PIGS: variants seen among roughly 807,000 people sequenced by gnomAD.
PIGS encodes GPI-anchor transamidase component PIGS.
Under a neutral mutation model 58.2 loss-of-function variants are expected in PIGS, and 37 were observed. The observed-to-expected ratio is 0.64, with a 90% CI of 0.49 to 0.84. The LOEUF (loss-of-function observed/expected upper bound fraction) is 0.84, where lower values mean the gene tolerates loss of function less well. Among genes scored for constraint, PIGS ranks in the 40% least tolerant of loss-of-function variants. The pLI, the probability that PIGS is intolerant of heterozygous loss-of-function variation, is 0.00. For missense variants in PIGS, 629 were observed against 710.8 expected (o/e 0.88, Z 1.31); for synonymous variants, 269 against 289.2 (o/e 0.93, Z 0.71).
intron 10 of PIGS, chr17:28,555,567 C>T (rs1047084557): frequency 3.0e-5 from 5 of 169,040 alleles, no homozygotes; most frequent in African/African-American, 1.2e-4. Flanking sequence ...CACAGAGCCT[C>T]AGGCAGCCAC....
chr17:28,555,978 A>C (rs755970956), intron 10 of PIGS, 188 bp downstream of exon 10: 154 of 584,660 alleles, frequency 2.6e-4, no homozygotes, highest in Non-Finnish European at 2.5e-4. Flanking sequence ...CAAAAAAAAA[A>C]ATAAATGATT....
At position 28,563,873 on chromosome 17, in the gene PIGS, G is replaced by C. The variant is rs768413881; in HGVS notation, c.321C>G (p.Ala107=). 1.9e-6 allele frequency: 3 copies of C among 1,614,132 alleles called. No individual in the cohort carries two copies. The South Asian group carries it at 3.3e-5, about 18-fold the overall frequency. ...CCTCATGGTCCAAAGCCCTCCGATA[G>C]GCCTTCTGGAAACGGCATTTGATTT... ...KMKIKCRFQK[A]YRRALDHEEE... The change falls in exon 4 of 12, where the codon GCC becomes GCG. Residue 107 remains alanine, a synonymous_variant. Transcript: ENST00000308360.
At chr17:28,557,864 A>G (rs1348188838) in intron 8 of PIGS, among the ~76,000 whole-genome samples, 1 of 152,180 alleles carries the variant, frequency 6.6e-6, no homozygotes, top group Non-Finnish European at 1.5e-5. Flanking sequence ...TGTCTTTCCT[A>G]TGTGTGTGAC....
At chr17:28,563,964 C>T in intron 3 of PIGS, 57 bp from the exon 4 acceptor site, 1 of 1,434,318 alleles carries the variant, frequency 7.0e-7, no homozygotes, top group South Asian at 1.2e-5. Context: ...CTCTGCCCAC[C>T]TTCCCAGACC....
At chr17:28,556,693 C>G in intron 9 of PIGS, 134 bp downstream of exon 9, 1 of 1,227,254 alleles carries the variant, frequency 8.1e-7, no homozygotes, top group Non-Finnish European at 1.1e-6. Flanking sequence ...AGCACCCTCA[C>G]CTTCCTGGTG....
At position 28,554,919 on chromosome 17, in the gene PIGS, G is replaced by C; in HGVS notation, c.1324C>G (p.Leu442Val). The change falls in exon 11 of 12, where the codon CTT becomes GTT. Residue 442 changes from leucine (L) to valine (V), a missense_variant. Coordinates refer to ENST00000308360, the MANE Select transcript of PIGS (RefSeq NM_033198.4). ...CCCAGAAGCTGCGCCAGGGAGGTAA[G>C]GGTGGTGGTGGCTGTGGCCAGGTTC... ...VENLATATTT[L>V]TSLAQLLGKI... 6.2e-7 allele frequency: 1 copy of C among 1,614,060 alleles called. No homozygotes were observed. The highest frequency in any genetic ancestry group is 2.2e-5 in the East Asian group (1 of 44,880).
chr17:28,558,500 T>C lies in PIGS; in HGVS notation c.910A>G (p.Ile304Val), dbSNP rs765371846. 1 of 1,612,896 alleles carries C rather than the reference T, an allele frequency of 6.2e-7. No homozygotes were observed. Among genetic ancestry groups the C allele is most frequent in the South Asian group, 1.1e-5 (1 of 90,662 alleles). ...YLDMHSLPHV[I>V]NPVESRLGSS... ...CCCAGCCGGGACTCCACTGGGTTGA[T>C]GACATGGGGGAGGCTGTGCATGTCC... The change falls in exon 8 of 12, where the codon ATC (isoleucine) becomes GTC (valine). Residue 304 changes from isoleucine (I) to valine (V), a missense_variant. Coordinates refer to ENST00000308360, the MANE Select transcript of PIGS (RefSeq NM_033198.4).
At chr17:28,560,512 C>G (rs1467155888) in intron 6 of PIGS, among the ~76,000 whole-genome samples, 1 of 151,976 alleles carries the variant, frequency 6.6e-6, no homozygotes, top group Non-Finnish European at 1.5e-5. Flanking sequence ...GGTGTGGTGG[C>G]TCACGCTGTA....
intron 10 of PIGS, 116 bp downstream of exon 10, chr17:28,556,050 C>T: frequency 1.1e-6 from 1 of 922,214 alleles, no homozygotes. Flanking sequence ...TCTTGGTTTC[C>T]CTGGGGCTCT....
At chr17:28,565,373 C>G (rs1482188957) in intron 3 of PIGS, among the ~76,000 whole-genome samples, 2 of 152,032 alleles carry the variant, frequency 1.3e-5, no homozygotes, top group Non-Finnish European at 2.9e-5. Flanking sequence ...TACAAGGCCC[C>G]TAGATGAATA....
At chr17:28,561,917 A>G (rs1006110021) in intron 5 of PIGS, 1 of 320,906 alleles carries the variant, frequency 3.1e-6, no homozygotes, top group Admixed American at 4.8e-5. Flanking sequence ...TGGCATGCTG[A>G]GCAAGAAAAG....
At chr17:28,564,715 CA>C (rs1185487806) in intron 3 of PIGS, among the ~76,000 whole-genome samples, 1,250 of 97,980 alleles carry the variant, frequency 0.013, 21 homozygotes, top group South Asian at 0.071. Context: ...AACTCCATCT[CA>C]AAAAAAAAAA....
Position 28,554,773 on chromosome 17 carries a change from C to A in PIGS, c.1392+78G>T. On this transcript the variant is annotated intron_variant, in intron 11 of 11. Transcript: ENST00000308360. ...CCACACATACCATGGACCTCACAGGCTCTCTGGTCTCACCACACTCTGGCC... is the reference window on the plus strand; with the variant it reads ...CCACACATACCATGGACCTCACAGGATCTCTGGTCTCACCACACTCTGGCC... 3 of 1,550,950 alleles carry A rather than the reference C, an allele frequency of 1.9e-6. No homozygotes were observed. In the South Asian group the frequency reaches 3.4e-5, roughly 17 times the overall value.
rs187505358 is a variant in PIGS at position 28,556,167 on chromosome 17, G to C, written c.1180C>G (p.Arg394Gly). The change falls in exon 10 of 12, where the codon CGG (arginine) becomes GGG (glycine). Residue 394 changes from arginine to glycine, a missense_variant and splice_region_variant. Physicochemically the swap from Arg to Gly is moderately radical, Grantham distance 125 (BLOSUM62 -2). Transcript: ENST00000308360. ...CAAGTGGATCATCCAGGACCTCACC[G>C]CAACTGTGCCAGGAACACCTCCATC... ...RVMEVFLAQL[R>G]LLFGIAQPQL... is the part of the protein sequence containing the mutation. The C allele has an allele frequency of 6.2e-7, 1 of 1,611,548 alleles. No individual in the cohort carries two copies. The highest frequency in any genetic ancestry group is 1.1e-5 in the South Asian group (1 of 91,030).
At chr17:28,556,307 C>T in intron 9 of PIGS, 41 bp from the exon 10 acceptor site, 2 of 1,440,032 alleles carry the variant, frequency 1.4e-6, no homozygotes, top group Non-Finnish European at 2.0e-6. Flanking sequence ...CATACCAGGC[C>T]CTTGCACAGC....
intron 5 of PIGS, among the ~76,000 whole-genome samples, chr17:28,562,858 TC>T (rs1296715606): frequency 2.6e-5 from 4 of 151,556 alleles, no homozygotes; most frequent in Non-Finnish European, 4.4e-5. Flanking sequence ...GACTACCACA[TC>T]CAGCTAATTT....
chr17:28,566,220 C>T (rs1157480157), intron 3 of PIGS, among the ~76,000 whole-genome samples: 4 of 131,958 alleles, frequency 3.0e-5, no homozygotes, highest in African/African-American at 1.1e-4. Context: ...GTGTCAGACC[C>T]TATCTCAAAA....
At chr17:28,559,383 C>T (rs1041023678) in intron 7 of PIGS, among the ~76,000 whole-genome samples, 13 of 151,728 alleles carry the variant, frequency 8.6e-5, no homozygotes, top group Admixed American at 3.3e-4. Flanking sequence ...ACCTGTAATC[C>T]CAGCACTTTG....
intron 10 of PIGS, chr17:28,555,434 G>A (rs926890316): frequency 1.3e-5 from 3 of 238,912 alleles, no homozygotes; most frequent in Non-Finnish European, 2.5e-5. Flanking sequence ...GGATGATCCA[G>A]GACTGCCTTT....
Sources: allele counts gnomAD v4.1 joint callset (sites outside exome capture counted in the v4.1 genomes callset), GRCh38; gene constraint gnomAD v4.1.1; transcripts MANE v1.5; gene names NCBI Gene and HGNC (gene_info 2026-07-23, HGNC 2026-07-21).